ST3GAL3: variants seen among roughly 807,000 people sequenced by gnomAD.
ST3GAL3 encodes ST3 beta-galactoside alpha-2,3-sialyltransferase 3, also known as CMP-N-acetylneuraminate-beta-1,4-galactoside alpha-2,3-sialyltransferase.
ST3GAL3 carries 21 observed loss-of-function variants against 50.1 expected under a neutral mutation model. That is an observed-to-expected ratio of 0.42 (90% confidence interval 0.30 to 0.60). The LOEUF (loss-of-function observed/expected upper bound fraction) is 0.60. ST3GAL3 is among the 20% of genes least tolerant of loss of function. The pLI is 0.19. For synonymous variants in ST3GAL3, 183 were observed against 190.0 expected (o/e 0.96, Z 0.30); for missense variants, 353 against 489.4 (o/e 0.72, Z 2.63).
intron 5 of ST3GAL3, among the ~76,000 whole-genome samples, chr1:43,852,833 A>G (rs1047864034): frequency 6.6e-6 from 1 of 152,238 alleles, no homozygotes; most frequent in African/African-American, 2.4e-5. Context: ...GAATGAAATG[A>G]GAGGATGTGT....
intron 9 of ST3GAL3, among the ~76,000 whole-genome samples, chr1:43,905,406 T>C (rs2079182825): frequency 1.1e-5 from 1 of 87,912 alleles, no homozygotes. Context: ...CCCCTTCTGC[T>C]CCTCTTCCTG....
chr1:43,808,826 G>C (rs370968548), intron 3 of ST3GAL3, among the ~76,000 whole-genome samples: 1 of 152,152 alleles, frequency 6.6e-6, no homozygotes. Flanking sequence ...CCACTGGAAG[G>C]GGGCAGCCAG....
intron 2 of ST3GAL3, among the ~76,000 whole-genome samples, chr1:43,789,816 G>T (rs2057818344): frequency 4.0e-5 from 6 of 151,822 alleles, no homozygotes; most frequent in Admixed American, 3.9e-4. Context: ...AGAGGCTGCA[G>T]TGAGCCACAA....
At chr1:43,733,900 G>C (rs1677028126) in intron 1 of ST3GAL3, among the ~76,000 whole-genome samples, 1 of 152,212 alleles carries the variant, frequency 6.6e-6, no homozygotes, top group East Asian at 1.9e-4. Flanking sequence ...TGGATCACGA[G>C]GTCAGGAGGC....
In ST3GAL3 at chr1:43,898,258, T is replaced by C. The variant is rs768304867; in HGVS notation, c.421T>C (p.Ser141Pro). 1.6e-5 allele frequency: 26 copies of C among 1,613,870 alleles called. No homozygotes were observed. Among genetic ancestry groups the C allele is most frequent in the Non-Finnish European group, 2.2e-5 (26 of 1,180,048 alleles). ...GQDNLIKAILSVTKEYRLTPA... is the reference protein window; with the variant it reads ...GQDNLIKAILPVTKEYRLTPA... ...AGACAATCTGATCAAAGCCATCTTG[T>C]CAGTCACCAAAGAGTACCGCCTGAC... Residue 141 changes from serine to proline, a missense_variant, in exon 7 of 12, where the codon TCA becomes CCA. Physicochemically the swap from Ser to Pro is moderately conservative, Grantham distance 74 (BLOSUM62 -1). Transcript: ENST00000347631.
At chr1:43,910,318 A>G (rs1363141887) in intron 9 of ST3GAL3, among the ~76,000 whole-genome samples, 3 of 152,238 alleles carry the variant, frequency 2.0e-5, no homozygotes, top group African/African-American at 7.2e-5. Context: ...CAGTGCAGGC[A>G]GGATTGGCAG....
chr1:43,904,760 C>G (rs2078885470), intron 9 of ST3GAL3, among the ~76,000 whole-genome samples: 1 of 126,496 alleles, frequency 7.9e-6, no homozygotes, highest in Non-Finnish European at 1.7e-5. Context: ...CCACTCTCCC[C>G]TCCTCCTGCT....
chr1:43,864,869 A>T (rs1164546413), intron 5 of ST3GAL3, among the ~76,000 whole-genome samples: 1 of 152,160 alleles, frequency 6.6e-6, no homozygotes, highest in East Asian at 1.9e-4. Context: ...ACACAGGGAG[A>T]AGAGCACGCT....
At chr1:43,887,123 G>A (rs1245487364) in intron 5 of ST3GAL3, among the ~76,000 whole-genome samples, 1 of 152,196 alleles carries the variant, frequency 6.6e-6, no homozygotes, top group Non-Finnish European at 1.5e-5. Flanking sequence ...GAAAAGGATA[G>A]AGTTTATGGA....
chr1:43,863,012 T>C (rs1410205858), intron 5 of ST3GAL3, among the ~76,000 whole-genome samples: 1 of 152,214 alleles, frequency 6.6e-6, no homozygotes, highest in Non-Finnish European at 1.5e-5. Flanking sequence ...TCTCCCTCAG[T>C]TGACTCAAAT....
intron 2 of ST3GAL3, among the ~76,000 whole-genome samples, chr1:43,750,772 C>T (rs1246155030): frequency 6.6e-6 from 1 of 151,824 alleles, no homozygotes; most frequent in Non-Finnish European, 1.5e-5. Flanking sequence ...GTGGTGTGCA[C>T]CTGTAGTCTC....
At chr1:43,778,159 C>T (rs1697995642) in intron 2 of ST3GAL3, among the ~76,000 whole-genome samples, 1 of 152,178 alleles carries the variant, frequency 6.6e-6, no homozygotes, top group Admixed American at 6.5e-5. Context: ...CCATTATCCT[C>T]AGAAAGCTGA....
At chr1:43,711,393 C>T (rs985352221) in intron 1 of ST3GAL3, among the ~76,000 whole-genome samples, 1 of 152,270 alleles carries the variant, frequency 6.6e-6, no homozygotes, top group Non-Finnish European at 1.5e-5. Context: ...TTCACATTTT[C>T]ATTGGCCAAA....
At position 43,756,100 on chromosome 1, in the gene ST3GAL3, C is replaced by CAAAAAAAA. The variant is rs139101819; in HGVS notation, c.118+19731_118+19738dup. On this transcript the variant is annotated intron_variant, in intron 2 of 11. Transcript: ENST00000347631. ...TGGTAGACAGAGTGAGAACCAGTCT[C>CAAAAAAAA]AAAAAAAAAAAAAAAAAAGAAGAAG... is the stretch of plus-strand genomic sequence containing the variant. 3.0e-3 allele frequency among the ~76,000 whole-genome samples: 214 copies of CAAAAAAAA among 71,918 alleles called. 12 individuals carry two copies. The highest frequency in any genetic ancestry group is 0.013 in the African/African-American group (181 of 13,608). 47.2% of individuals were successfully genotyped at this position (71,918 alleles called of 152,430 possible).
chr1:43,805,759 G>A (rs946314956), intron 3 of ST3GAL3, among the ~76,000 whole-genome samples: 9 of 151,942 alleles, frequency 5.9e-5, no homozygotes, highest in East Asian at 1.9e-4. Flanking sequence ...CTTTTTTGAC[G>A]GAGTCTCACA....
chr1:43,872,568 C>T (rs2073220401), intron 5 of ST3GAL3, among the ~76,000 whole-genome samples: 1 of 152,064 alleles, frequency 6.6e-6, no homozygotes, highest in South Asian at 2.1e-4. Context: ...CCTTATCTCA[C>T]TTCATCTTCA....
In ST3GAL3 at chr1:43,778,644, C is replaced by CTT. The variant is rs35726867; in HGVS notation, c.119-13440_119-13439dup. ...GCATCCAGATTTCTTTTCTTTTTTT[C>CTT]TTTTTTTTTTTTTTTTTTTGAGACG... On this transcript the variant is annotated intron_variant, in intron 2 of 11. Transcript: ENST00000347631. Among the ~76,000 whole-genome samples the CTT allele has an allele frequency of 3.4e-3, 404 of 118,682 alleles. 6 individuals carry two copies. The highest frequency in any genetic ancestry group is 4.5e-3 in the East Asian group (19 of 4,186). The allele number at this position is 118,682 out of a possible 152,430, so 77.9% of individuals were successfully genotyped here.
chr1:43,730,553 CTTTCT>C (rs869171322), intron 1 of ST3GAL3, among the ~76,000 whole-genome samples: 74 of 141,958 alleles, frequency 5.2e-4, no homozygotes, highest in African/African-American at 1.7e-3. Flanking sequence ...TTCTTTTTTT[CTTTCT>C]TTTCTTTTCT....
intron 1 of ST3GAL3, among the ~76,000 whole-genome samples, chr1:43,725,141 C>T (rs1672302488): frequency 6.6e-6 from 1 of 152,198 alleles, no homozygotes; most frequent in African/African-American, 2.4e-5. Flanking sequence ...TCGCTGTGCT[C>T]CATCTGCATT....
Sources: allele counts gnomAD v4.1 joint callset (sites outside exome capture counted in the v4.1 genomes callset), GRCh38; gene constraint gnomAD v4.1.1; transcripts MANE v1.5; gene names NCBI Gene and HGNC (gene_info 2026-07-23, HGNC 2026-07-21).